FARS2: variants seen among roughly 807,000 people sequenced by gnomAD.
FARS2 encodes the protein phenylalanyl-tRNA synthetase 2, mitochondrial.
In FARS2, 40 loss-of-function variants were observed where a neutral mutation model predicts 46.4. That is an observed-to-expected ratio of 0.86 (90% CI 0.67 to 1.12). The LOEUF is 1.12. Among genes scored for constraint, FARS2 ranks in the 50% most tolerant of loss-of-function variants. The pLI, the probability that FARS2 is intolerant of heterozygous loss-of-function variation, is 0.00. For missense variants in FARS2, 513 were observed against 567.9 expected (o/e 0.90, Z 0.98); for synonymous variants, 234 against 214.9 (o/e 1.09, Z -0.78).
At chr6:5,406,781 T>C (rs943368908) in intron 3 of FARS2, among the ~76,000 whole-genome samples, 1 of 151,304 alleles carries the variant, frequency 6.6e-6, no homozygotes, top group Non-Finnish European at 1.5e-5. Flanking sequence ...TAAACATAGG[T>C]ATATGTTTAA....
intron 1 of FARS2, among the ~76,000 whole-genome samples, chr6:5,274,597 T>G (rs1417838289): frequency 6.6e-6 from 1 of 152,262 alleles, no homozygotes; most frequent in Non-Finnish European, 1.5e-5. Context: ...TTGGCTTTTC[T>G]GAGCCATGAA....
intron 6 of FARS2, 72 bp from the exon 7 acceptor site, chr6:5,771,219 G>A: frequency 6.3e-7 from 1 of 1,588,742 alleles, no homozygotes; most frequent in South Asian, 1.1e-5. Context: ...TCTGGCCAGG[G>A]CAAGCCACAC....
At chr6:5,391,427 C>A (rs1760507101) in intron 2 of FARS2, among the ~76,000 whole-genome samples, 1 of 152,156 alleles carries the variant, frequency 6.6e-6, no homozygotes, top group African/African-American at 2.4e-5. Context: ...CGGTGTGTAA[C>A]TATTAACCGT....
At chr6:5,554,748 G>A (rs1771558407) in intron 5 of FARS2, among the ~76,000 whole-genome samples, 1 of 152,182 alleles carries the variant, frequency 6.6e-6, no homozygotes, top group Non-Finnish European at 1.5e-5. Context: ...CTGAGGCTTA[G>A]CGTCAGCAAG....
At chr6:5,346,910 G>GTTTTTTTTTTTTTTTTTTTTTTTT (rs746722524) in intron 1 of FARS2, among the ~76,000 whole-genome samples, 1 of 139,232 alleles carries the variant, frequency 7.2e-6, no homozygotes, top group Non-Finnish European at 1.6e-5. Flanking sequence ...CCATTCATTA[G>GTTTTTTTTTTTTTTTTTTTTTTTT]GTTTTTTTTT....
At position 5,710,986 on chromosome 6, in the gene FARS2, C is replaced by T. The variant is rs192562584; in HGVS notation, c.1218-60305C>T. On this transcript the variant is annotated intron_variant, in intron 6 of 6. Coordinates refer to ENST00000274680, the MANE Select transcript of FARS2 (RefSeq NM_006567.5). ...GCTGCTAACAGCTTAAAAAGCAAGT[C>T]TACAAGTCTTCTTGGAGAAGTGATT... 1.7e-3 allele frequency among the ~76,000 whole-genome samples: 261 copies of T among 152,294 alleles called. No homozygotes were observed. The Middle Eastern group carries it at 0.031, about 18-fold the overall frequency.
chr6:5,614,691 G>C (rs1309557960), intron 6 of FARS2, among the ~76,000 whole-genome samples: 1 of 152,132 alleles, frequency 6.6e-6, no homozygotes, highest in African/African-American at 2.4e-5. Flanking sequence ...GAGCCATCGC[G>C]CTGGGCTGCC....
At chr6:5,260,727 C>T (rs1301142742), upstream of FARS2, 3 of 1,549,406 alleles carry the variant, frequency 1.9e-6, no homozygotes, top group Middle Eastern at 5.0e-4. Flanking sequence ...CGACTGGAGG[C>T]TGCCATTTTG....
chr6:5,668,467 G>A (rs1301848382), intron 6 of FARS2, among the ~76,000 whole-genome samples: 1 of 152,218 alleles, frequency 6.6e-6, no homozygotes, highest in African/African-American at 2.4e-5. Flanking sequence ...AATAGCCAGA[G>A]AAACCAGAGG....
At chr6:5,366,648 C>T (rs1424478291) in intron 1 of FARS2, among the ~76,000 whole-genome samples, 5 of 152,024 alleles carry the variant, frequency 3.3e-5, no homozygotes, top group Non-Finnish European at 5.9e-5. Context: ...GGGAATGGAA[C>T]CCAAGTGTGG....
At chr6:5,747,969 T>C (rs1045224388) in intron 6 of FARS2, among the ~76,000 whole-genome samples, 29 of 152,338 alleles carry the variant, frequency 1.9e-4, no homozygotes, top group African/African-American at 6.7e-4. Context: ...TTCTGAAATA[T>C]TGTTTCATCC....
intron 3 of FARS2, among the ~76,000 whole-genome samples, chr6:5,426,401 C>T (rs1207025169): frequency 6.6e-6 from 1 of 152,046 alleles, no homozygotes; most frequent in Non-Finnish European, 1.5e-5. Context: ...ATAAGTCACA[C>T]TCAACATAGT....
chr6:5,280,692 C>CTT (rs752085379), intron 1 of FARS2, among the ~76,000 whole-genome samples: 8 of 144,038 alleles, frequency 5.6e-5, no homozygotes, highest in Admixed American at 2.1e-4. Context: ...CCCAGCCATT[C>CTT]TTTTTTTTTT....
chr6:5,517,876 C>T (rs1582331361), intron 4 of FARS2, among the ~76,000 whole-genome samples: 1 of 152,134 alleles, frequency 6.6e-6, no homozygotes, highest in African/African-American at 2.4e-5. Flanking sequence ...ATAGTCCAGC[C>T]CAATAGAAAT....
At chr6:5,478,653 C>T (rs1369804233) in intron 4 of FARS2, among the ~76,000 whole-genome samples, 1 of 147,082 alleles carries the variant, frequency 6.8e-6, no homozygotes, top group African/African-American at 2.7e-5. Context: ...GACTGAGTGC[C>T]CCTGTCTTGC....
intron 6 of FARS2, among the ~76,000 whole-genome samples, chr6:5,710,394 G>T (rs1396645795): frequency 6.6e-6 from 1 of 152,224 alleles, no homozygotes; most frequent in Non-Finnish European, 1.5e-5. Flanking sequence ...CTCAGGCCAA[G>T]ATAGAGTCAC....
intron 1 of FARS2, among the ~76,000 whole-genome samples, chr6:5,322,574 T>G (rs766339245): frequency 1.4e-4 from 22 of 152,196 alleles, no homozygotes; most frequent in Non-Finnish European, 3.1e-4. Context: ...TTTTCTTTTT[T>G]TGGTTTGTTT....
intron 6 of FARS2, among the ~76,000 whole-genome samples, chr6:5,666,717 T>G (rs1285245277): frequency 1.3e-5 from 2 of 152,168 alleles, no homozygotes; most frequent in Non-Finnish European, 2.9e-5. Context: ...GCAATCCCAT[T>G]GCTGGATATA....
chr6:5,578,551 A>G (rs1582493663), intron 5 of FARS2, among the ~76,000 whole-genome samples: 1 of 151,994 alleles, frequency 6.6e-6, no homozygotes, highest in Non-Finnish European at 1.5e-5. Flanking sequence ...GGCTCACCCC[A>G]GTAATCCCAG....
Sources: gnomAD v4.1 joint callset for allele counts (sites outside exome capture counted in the v4.1 genomes callset) on GRCh38, gnomAD v4.1.1 for gene constraint, MANE v1.5 for transcripts, NCBI Gene and HGNC (gene_info 2026-07-23, HGNC 2026-07-21) for gene names.